Variants in COL4A5 observed in about 807,000 individuals in gnomAD.
The protein encoded by COL4A5 is collagen alpha-5(IV) chain.
A neutral mutation model predicts 130.2 loss-of-function variants in COL4A5; 26 were observed. The observed-to-expected ratio is 0.20, with a 90% confidence interval of 0.15 to 0.28. COL4A5 has a LOEUF of 0.28. COL4A5 is among the 10% of genes least tolerant of loss of function. The pLI is 1.00. For synonymous variants in COL4A5, 496 were observed against 439.6 expected, an observed-to-expected ratio of 1.13 and a Z score of -1.60; for missense variants, 1,131 against 1,344.3, an observed-to-expected ratio of 0.84 and a Z score of 2.48.
chrX:108,646,914 G>T (rs936755245), intron 36 of COL4A5, among the ~76,000 whole-genome samples: 2 of 108,616 alleles, frequency 1.8e-5, no homozygotes, highest in African/African-American at 6.9e-5. Flanking sequence ...TATTTCTGAG[G>T]GCTCTGTTCT....
At chrX:108,609,325 T>C (rs2066788025) in intron 29 of COL4A5, among the ~76,000 whole-genome samples, 1 of 112,063 alleles carries the variant, frequency 8.9e-6, no homozygotes, top group African/African-American at 3.2e-5. Flanking sequence ...AGCATCATAT[T>C]GTGATTTTAA....
At chrX:108,449,847 T>C (rs2064490848) in intron 1 of COL4A5, among the ~76,000 whole-genome samples, 1 of 112,274 alleles carries the variant, frequency 8.9e-6, no homozygotes, top group Non-Finnish European at 1.9e-5. Flanking sequence ...CCCCACCTCC[T>C]AATGCCATCA....
intron 1 of COL4A5, among the ~76,000 whole-genome samples, chrX:108,465,679 A>G (rs961079653): frequency 2.7e-5 from 3 of 111,828 alleles, no homozygotes; most frequent in Non-Finnish European, 5.6e-5. Flanking sequence ...CTATTAATAC[A>G]CTAAAGTTTT....
chrX:108,615,059 C>A, intron 30 of COL4A5, 35 bp downstream of exon 30: 1 of 964,480 alleles, frequency 1.0e-6, no homozygotes, highest in South Asian at 2.0e-5. Flanking sequence ...TTGTAGCACT[C>A]ATAATATATA....
At chrX:108,685,370 G>A (rs2068523679) in intron 47 of COL4A5, among the ~76,000 whole-genome samples, 1 of 112,479 alleles carries the variant, frequency 8.9e-6, no homozygotes, top group Non-Finnish European at 1.9e-5. Flanking sequence ...TTTCTTGAAA[G>A]TGTTAATTTC....
chrX:108,459,235 A>AACT (rs1271664987), intron 1 of COL4A5, among the ~76,000 whole-genome samples: 1 of 111,494 alleles, frequency 9.0e-6, no homozygotes, highest in Admixed American at 9.5e-5. Context: ...ATTTATAATT[A>AACT]ACTACATACA....
At chrX:108,639,214 G>C (rs1402475341) in intron 36 of COL4A5, among the ~76,000 whole-genome samples, 1 of 111,093 alleles carries the variant, frequency 9.0e-6, no homozygotes, top group Admixed American at 9.6e-5. Flanking sequence ...ATAGACCAAT[G>C]TAATAGATAG....
chrX:108,542,917 T>C (rs2065572514), intron 2 of COL4A5, among the ~76,000 whole-genome samples: 1 of 108,392 alleles, frequency 9.2e-6, no homozygotes, highest in Admixed American at 9.9e-5. Flanking sequence ...TTTTGAGAAG[T>C]GTCTGTTCAT....
intron 42 of COL4A5, among the ~76,000 whole-genome samples, chrX:108,672,805 A>T (rs891669086): frequency 3.6e-4 from 40 of 111,973 alleles, no homozygotes; most frequent in Non-Finnish European, 1.7e-4. Context: ...TGGTCCCTCT[A>T]TATCAAACAC....
chrX:108,616,950 C>T (rs1195962135), intron 30 of COL4A5, among the ~76,000 whole-genome samples: 1 of 110,227 alleles, frequency 9.1e-6, no homozygotes, highest in East Asian at 2.8e-4. Flanking sequence ...CTGAATTAAA[C>T]TTCATCTATT....
chrX:108,671,198 T>TA (rs35670205), intron 42 of COL4A5, among the ~76,000 whole-genome samples: 3 of 111,632 alleles, frequency 2.7e-5, no homozygotes, highest in African/African-American at 3.3e-5. Flanking sequence ...TAATTAGCAG[T>TA]AAAAAAAGCC....
chrX:108,537,942 G>A lies in COL4A5; in HGVS notation c.82-1804G>A, dbSNP rs1436649370. Among the ~76,000 whole-genome samples the A allele has an allele frequency of 9.9e-5, 11 of 111,590 alleles. No individual in the cohort carries two copies. In the Admixed American group the frequency reaches 1.1e-3, roughly 11 times the overall value. ...TCTTCTAAATTTTATAAAATCCATAGTCTGGAACTTAAAATTTATGTTTGC... is the reference window on the plus strand; with the variant it reads ...TCTTCTAAATTTTATAAAATCCATAATCTGGAACTTAAAATTTATGTTTGC... On this transcript the variant is annotated intron_variant, in intron 1 of 52. Transcript: ENST00000328300.
At chrX:108,560,619 A>C (rs183239097) in intron 3 of COL4A5, among the ~76,000 whole-genome samples, 26 of 112,754 alleles carry the variant, frequency 2.3e-4, no homozygotes, top group African/African-American at 8.0e-4. Context: ...CTAGTTTTGG[A>C]GTTCTCATTT....
chrX:108,593,131 G>A (rs762366058), intron 21 of COL4A5, among the ~76,000 whole-genome samples: 1 of 111,376 alleles, frequency 9.0e-6, no homozygotes, highest in African/African-American at 3.3e-5. Flanking sequence ...ATTCTTGTAC[G>A]TGTATTTTTT....
At chrX:108,572,375 CTGACATCTCCACA>C (rs1316473621) in intron 8 of COL4A5, among the ~76,000 whole-genome samples, 2 of 111,924 alleles carry the variant, frequency 1.8e-5, no homozygotes, top group East Asian at 5.6e-4. Context: ...ATCAGCCTCT[CTGACATCTCCACA>C]TGTTCCAAGT....
At chrX:108,494,175 G>T (rs2065015597) in intron 1 of COL4A5, among the ~76,000 whole-genome samples, 1 of 111,172 alleles carries the variant, frequency 9.0e-6, no homozygotes, top group Admixed American at 9.6e-5. Flanking sequence ...TTCTTTGCAG[G>T]TCCAAACAGA....
chrX:108,464,044 C>A (rs746872284), intron 1 of COL4A5, among the ~76,000 whole-genome samples: 1 of 111,732 alleles, frequency 8.9e-6, no homozygotes, highest in African/African-American at 3.2e-5. Flanking sequence ...CTTCCACCTA[C>A]CAATTGGGCT....
intron 2 of COL4A5, among the ~76,000 whole-genome samples, chrX:108,555,221 T>C (rs1204588819): frequency 8.9e-6 from 1 of 112,041 alleles, no homozygotes; most frequent in East Asian, 2.8e-4. Flanking sequence ...CTACTCAATC[T>C]AACTCTGGTG....
At chrX:108,508,494 A>G (rs2065147023) in intron 1 of COL4A5, among the ~76,000 whole-genome samples, 1 of 104,708 alleles carries the variant, frequency 9.6e-6, no homozygotes, top group Non-Finnish European at 1.9e-5. Context: ...TGCTATTCCT[A>G]TCAGACTACC....
Sources: gnomAD v4.1 joint callset for allele counts (sites outside exome capture counted in the v4.1 genomes callset) on GRCh38, gnomAD v4.1.1 for gene constraint, MANE v1.5 for transcripts, NCBI Gene and HGNC (gene_info 2026-07-23, HGNC 2026-07-21) for gene names.